RBFOX1: variants seen among roughly 807,000 people sequenced by gnomAD.
The protein encoded by RBFOX1 is RNA binding fox-1 homolog 1, also known as RNA binding protein fox-1 homolog 1.
In RBFOX1, 8 loss-of-function variants were observed where a neutral mutation model predicts 57.7. The ratio of observed to expected loss-of-function variants is 0.14; its 90% CI spans 0.08 to 0.25. RBFOX1 has a LOEUF of 0.25. Ranked by LOEUF, RBFOX1 falls within the 10% of genes least tolerant of loss-of-function variation. The pLI is 1.00. For synonymous variants in RBFOX1, 326 were observed against 222.4 expected, an observed-to-expected ratio of 1.47 and a Z score of -4.15; for missense variants, 611 against 548.5, an observed-to-expected ratio of 1.11 and a Z score of -1.14.
At chr16:7,570,270 T>A (rs5028447) in intron 5 of RBFOX1, among the ~76,000 whole-genome samples, 2 of 151,942 alleles carry the variant, frequency 1.3e-5, no homozygotes, top group Admixed American at 6.6e-5. Flanking sequence ...ACCAGCATCC[T>A]TGAGCTATAT....
intron 1 of RBFOX1, among the ~76,000 whole-genome samples, chr16:6,293,359 A>G (rs2077675113): frequency 6.6e-6 from 1 of 152,196 alleles, no homozygotes; most frequent in Non-Finnish European, 1.5e-5. Flanking sequence ...ACTGTTCTTC[A>G]TCTTCTCCAG....
At chr16:6,403,832 A>T (rs1018093825) in intron 2 of RBFOX1, among the ~76,000 whole-genome samples, 9 of 152,236 alleles carry the variant, frequency 5.9e-5, no homozygotes, top group African/African-American at 2.2e-4. Context: ...ATATTTGAAG[A>T]TTGGGCTTTT....
intron 2 of RBFOX1, among the ~76,000 whole-genome samples, chr16:6,363,555 T>C (rs1035473808): frequency 6.6e-6 from 1 of 152,146 alleles, no homozygotes; most frequent in Non-Finnish European, 1.5e-5. Context: ...TTAAATAGAG[T>C]CGAATTGAGG....
At chr16:6,615,877 C>G (rs140961108) in intron 2 of RBFOX1, among the ~76,000 whole-genome samples, 63 of 152,238 alleles carry the variant, frequency 4.1e-4, no homozygotes, top group African/African-American at 1.4e-3. Flanking sequence ...TCCTTGCTCG[C>G]GAATCCTCAT....
intron 4 of RBFOX1, among the ~76,000 whole-genome samples, chr16:7,233,749 A>G (rs1002022670): frequency 1.3e-5 from 2 of 152,232 alleles, no homozygotes; most frequent in African/African-American, 4.8e-5. Context: ...AAACATAACA[A>G]CATTTGGGAA....
intron 4 of RBFOX1, among the ~76,000 whole-genome samples, chr16:7,270,039 C>G (rs17143174): frequency 0.052 from 7,971 of 152,250 alleles, 303 homozygotes; most frequent in African/African-American, 0.11. Context: ...ATATCATGCT[C>G]TTAACACAAT....
In RBFOX1 at chr16:7,681,524, T is replaced by G. The variant is rs76332049; in HGVS notation, c.995+4686T>G. On this transcript the variant is annotated intron_variant, in intron 14 of 15. Coordinates refer to ENST00000550418, the MANE Select transcript of RBFOX1 (RefSeq NM_018723.4). ...GCTGTCATGAAAATAGACAGGCAAA[T>G]AAGTATATTTACAGTGATATTCCAT... 9.1e-3 allele frequency among the ~76,000 whole-genome samples: 1,387 copies of G among 152,250 alleles called. 21 individuals are homozygous for G. Among genetic ancestry groups the G allele is most frequent in the African/African-American group, 0.032 (1,321 of 41,568 alleles).
At chr16:6,039,717 C>T (rs1352131573) in intron 1 of RBFOX1, among the ~76,000 whole-genome samples, 3 of 152,168 alleles carry the variant, frequency 2.0e-5, no homozygotes, top group African/African-American at 7.2e-5. Context: ...TTTATGGTGC[C>T]TTTTTCTGGG....
At chr16:7,028,350 G>C (rs1340684514) in intron 3 of RBFOX1, among the ~76,000 whole-genome samples, 2 of 152,032 alleles carry the variant, frequency 1.3e-5, no homozygotes, top group Non-Finnish European at 1.5e-5. Context: ...CTCAGGGCTG[G>C]AGTTAGATGG....
chr16:6,015,914 A>T (rs561676492), upstream of RBFOX1, among the ~76,000 whole-genome samples: 5 of 152,338 alleles, frequency 3.3e-5, no homozygotes, highest in African/African-American at 1.2e-4. Flanking sequence ...AGTCTAGTTT[A>T]TATACTAAAT....
chr16:7,124,106 C>T (rs774564913), intron 4 of RBFOX1, among the ~76,000 whole-genome samples: 2 of 152,112 alleles, frequency 1.3e-5, no homozygotes, highest in African/African-American at 4.8e-5. Context: ...TATACTTTTA[C>T]CAAGTCTCAG....
chr16:5,642,396 A>G (rs2048910525), intron 3 of RBFOX1, among the ~76,000 whole-genome samples: 1 of 152,234 alleles, frequency 6.6e-6, no homozygotes, highest in Admixed American at 6.5e-5. Context: ...ACGTCTTAAA[A>G]GAGGGAGGCT....
intron 4 of RBFOX1, among the ~76,000 whole-genome samples, chr16:7,448,326 G>A (rs1274136669): frequency 1.3e-5 from 2 of 152,196 alleles, no homozygotes; most frequent in Non-Finnish European, 2.9e-5. Context: ...AGACATACCT[G>A]AAACTGGAAA....
intron 3 of RBFOX1, among the ~76,000 whole-genome samples, chr16:5,834,920 G>C (rs1010935923): frequency 8.5e-5 from 13 of 152,164 alleles, no homozygotes; most frequent in African/African-American, 2.7e-4. Flanking sequence ...TGAGAAACCT[G>C]CATAGCGTTT....
At chr16:6,487,673 TAAAAAAAAAA>T (rs777856402) in intron 2 of RBFOX1, among the ~76,000 whole-genome samples, 466 of 38,642 alleles carry the variant, frequency 0.012, 13 homozygotes, top group East Asian at 0.037. Context: ...GTGATATATG[TAAAAAAAAAA>T]AAAAAAAAAA....
intron 4 of RBFOX1, among the ~76,000 whole-genome samples, chr16:6,008,422 A>G (rs1197409848): frequency 2.0e-5 from 3 of 152,146 alleles, no homozygotes; most frequent in Admixed American, 6.5e-5. Context: ...CTAAGACAGT[A>G]GCTTTAGTGG....
chr16:7,031,771 C>T (rs140914767), intron 3 of RBFOX1, among the ~76,000 whole-genome samples: 2 of 152,298 alleles, frequency 1.3e-5, no homozygotes, highest in East Asian at 1.9e-4. Context: ...GTTTTACCCA[C>T]TGCAGAGAAG....
chr16:6,692,033 C>A (rs2060278175), intron 3 of RBFOX1, among the ~76,000 whole-genome samples: 1 of 152,162 alleles, frequency 6.6e-6, no homozygotes, highest in Non-Finnish European at 1.5e-5. Flanking sequence ...CCTGTTGACA[C>A]CATCATTTCA....
chr16:6,699,090 C>G (rs1301241874), intron 3 of RBFOX1, among the ~76,000 whole-genome samples: 3 of 152,128 alleles, frequency 2.0e-5, no homozygotes, highest in Non-Finnish European at 2.9e-5. Context: ...ACAATCATAA[C>G]CAGCATGCAG....
Sources: allele counts gnomAD v4.1 joint callset (sites outside exome capture counted in the v4.1 genomes callset), GRCh38; gene constraint gnomAD v4.1.1; transcripts MANE v1.5; gene names NCBI Gene and HGNC (gene_info 2026-07-23, HGNC 2026-07-21).